SNX30: variants seen among roughly 807,000 people sequenced by gnomAD.
SNX30 encodes the protein sorting nexin-30.
A neutral mutation model predicts 46.4 loss-of-function variants in SNX30; 24 were observed. That is an observed-to-expected ratio of 0.52 (90% CI 0.37 to 0.73). The LOEUF is 0.73. Ranked by LOEUF, SNX30 falls within the 30% of genes least tolerant of loss-of-function variation. The pLI is 0.00. For synonymous variants in SNX30, 189 were observed against 211.5 expected, an observed-to-expected ratio of 0.89 and a Z score of 0.92; for missense variants, 533 against 555.7, an observed-to-expected ratio of 0.96 and a Z score of 0.41.
rs1221200277 is a variant in SNX30 at position 112,869,144 on chromosome 9, C to CA, written c.*301_*302insA. On this transcript the variant is annotated 3_prime_UTR_variant, in exon 9 of 9. Transcript: ENST00000374232. ...AACCAAGGGACAAGACAACCTGCAG[C>CA]TGACGCTCTGACATTTCATGACAGT... 397 of 328,278 alleles carry CA rather than the reference C, an allele frequency of 1.2e-3. 5 individuals are homozygous for CA. The highest frequency in any genetic ancestry group is 7.7e-3 in the African/African-American group (374 of 48,410). 20.3% of individuals were successfully genotyped at this position (328,278 alleles called of 1,614,324 possible).
chr9:112,861,685 C>T (rs555702176), intron 7 of SNX30, among the ~76,000 whole-genome samples: 1 of 152,374 alleles, frequency 6.6e-6, no homozygotes, highest in South Asian at 2.1e-4. Flanking sequence ...GCAGTTCCCT[C>T]TCCGTGCCGC....
downstream of SNX30, among the ~76,000 whole-genome samples, chr9:112,882,999 C>T (rs1486211453): frequency 6.6e-6 from 1 of 152,126 alleles, no homozygotes; most frequent in Non-Finnish European, 1.5e-5. Context: ...CAAATATCTC[C>T]TGAGGAAAGA....
chr9:112,867,870 C>T (rs1031085051), intron 8 of SNX30, among the ~76,000 whole-genome samples: 1 of 152,164 alleles, frequency 6.6e-6, no homozygotes, highest in Non-Finnish European at 1.5e-5. Flanking sequence ...CCTCCTCCAC[C>T]CCTGGGGCTG....
intron 8 of SNX30, among the ~76,000 whole-genome samples, chr9:112,867,205 C>T (rs1175469723): frequency 6.7e-6 from 1 of 149,502 alleles, no homozygotes; most frequent in African/African-American, 2.5e-5. Context: ...CCTGCCTCCT[C>T]AGGATTCCTC....
chr9:112,756,756 C>T (rs1333592427), intron 1 of SNX30, among the ~76,000 whole-genome samples: 3 of 152,186 alleles, frequency 2.0e-5, no homozygotes, highest in Non-Finnish European at 4.4e-5. Context: ...CCACTGCGCT[C>T]GGCTCCTTCA....
chr9:112,825,219 G>A (rs1840563709), intron 3 of SNX30, among the ~76,000 whole-genome samples: 1 of 152,130 alleles, frequency 6.6e-6, no homozygotes, highest in African/African-American at 2.4e-5. Flanking sequence ...ATGTATGAGG[G>A]CCCAATTTCT....
rs75539166 is a variant in SNX30, at chr9:112,852,910, C to T, written c.1101+1965C>T. Among the ~76,000 whole-genome samples, 513 of 152,264 alleles carry T rather than the reference C, an allele frequency of 3.4e-3. 3 individuals are homozygous for T. Among genetic ancestry groups the T allele is most frequent in the African/African-American group, 0.012 (504 of 41,548 alleles). On this transcript the variant is annotated intron_variant, in intron 7 of 8. Transcript: ENST00000374232. ...ATGCCAAGACATACCTGGAAAGGAACCAGCTTTGGAATTTGAAACCCACAC... is the reference window on the plus strand; with the variant it reads ...ATGCCAAGACATACCTGGAAAGGAATCAGCTTTGGAATTTGAAACCCACAC...
In SNX30 at chr9:112,871,661, C is replaced by G. The variant is rs1351384458; in HGVS notation, c.*2818C>G. ...ACAAGGCCCTCCCTAGCAGCCGCCC[C>G]AGGCCTGGAAAGTGGGAGATTTCAT... On this transcript the variant is annotated 3_prime_UTR_variant, in exon 9 of 9. Transcript: ENST00000374232. 1 of 152,130 alleles carries G rather than the reference C, an allele frequency of 6.6e-6. No individual in the cohort carries two copies. The highest frequency in any genetic ancestry group is 1.9e-4 in the East Asian group (1 of 5,184). 9.4% of individuals were successfully genotyped at this position (152,130 alleles called of 1,614,324 possible).
Position 112,847,442 on chromosome 9 carries a change from C to T in SNX30, c.1015-3417C>T, listed in dbSNP as rs558593083. 5.5e-3 allele frequency among the ~76,000 whole-genome samples: 602 copies of T among 109,068 alleles called. 24 individuals carry two copies. The highest frequency in any genetic ancestry group is 1.3e-3 in the Non-Finnish European group (76 of 57,138). The allele number at this position is 109,068 out of a possible 152,430, so 71.6% of individuals were successfully genotyped here. On this transcript the variant is annotated intron_variant, in intron 6 of 8. Transcript: ENST00000374232. ...TTAGTACATATCTCTAAAATACAAG[C>T]ATTCTTTTTTTTTTTTTTTTAAAAA...
chr9:112,767,873 T>G (rs1441268559), intron 1 of SNX30, among the ~76,000 whole-genome samples: 3 of 152,204 alleles, frequency 2.0e-5, no homozygotes, highest in Non-Finnish European at 4.4e-5. Context: ...GTATTGAGAT[T>G]ACAGATGTGA....
rs202191960 is a variant in SNX30, at chr9:112,753,955, C to T, written c.156+2798C>T. On this transcript the variant is annotated intron_variant, in intron 1 of 8. Coordinates refer to ENST00000374232, the MANE Select transcript of SNX30 (RefSeq NM_001012994.2). ...CTTCCCTGTGGCTGGCTTTCTCCTACCTCAGCAGCATGAGGGTCATCAGAG... is the reference window on the plus strand; with the variant it reads ...CTTCCCTGTGGCTGGCTTTCTCCTATCTCAGCAGCATGAGGGTCATCAGAG... 7.9e-5 allele frequency among the ~76,000 whole-genome samples: 12 copies of T among 152,340 alleles called. No homozygotes were observed. In the East Asian group the frequency reaches 2.1e-3, roughly 27 times the overall value.
intron 3 of SNX30, among the ~76,000 whole-genome samples, chr9:112,829,290 G>T (rs1401221062): frequency 6.6e-6 from 1 of 152,064 alleles, no homozygotes; most frequent in Non-Finnish European, 1.5e-5. Context: ...GTTTGTTTGA[G>T]ATGAAGTCTC....
At chr9:112,808,999 A>G (rs776858849) in intron 2 of SNX30, among the ~76,000 whole-genome samples, 1 of 152,234 alleles carries the variant, frequency 6.6e-6, no homozygotes, top group Non-Finnish European at 1.5e-5. Flanking sequence ...CATGCAACTC[A>G]TGGGTGGTGG....
At chr9:112,840,293 C>T (rs1351291811) in intron 6 of SNX30, among the ~76,000 whole-genome samples, 1 of 152,216 alleles carries the variant, frequency 6.6e-6, no homozygotes, top group Admixed American at 6.5e-5. Context: ...GGAACTGAGG[C>T]TGTAAGCCAA....
intron 2 of SNX30, among the ~76,000 whole-genome samples, chr9:112,817,401 C>CTTTTGTTTTTTTTTTTTTTTTTT (rs1840414576): frequency 2.1e-5 from 1 of 46,832 alleles, no homozygotes; most frequent in Non-Finnish European, 3.4e-5. Context: ...AAAAAACTGG[C>CTTTTGTTTTTTTTTTTTTTTTTT]TTTTTTTTTT....
intron 1 of SNX30, among the ~76,000 whole-genome samples, chr9:112,764,870 C>T (rs187116999): frequency 3.9e-5 from 6 of 152,282 alleles, no homozygotes; most frequent in East Asian, 1.9e-4. Flanking sequence ...TACTGAGGGT[C>T]GGCTTTATTC....
intron 1 of SNX30, among the ~76,000 whole-genome samples, chr9:112,791,431 G>T (rs4979151): frequency 0.21 from 910 of 4,270 alleles, 12 homozygotes; most frequent in South Asian, 0.39. Flanking sequence ...TTTTTTTTGA[G>T]ACGGAGCCTT....
intron 7 of SNX30, among the ~76,000 whole-genome samples, chr9:112,860,297 T>G (rs1265216954): frequency 6.6e-6 from 1 of 152,242 alleles, no homozygotes; most frequent in South Asian, 2.1e-4. Flanking sequence ...CATTTTTAAA[T>G]TTGGTTGTGT....
chr9:112,756,641 A>G (rs1193681500), intron 1 of SNX30, among the ~76,000 whole-genome samples: 1 of 151,814 alleles, frequency 6.6e-6, no homozygotes, highest in Non-Finnish European at 1.5e-5. Flanking sequence ...TTGTATTTTT[A>G]GTAGAGACGG....
Sources: allele counts gnomAD v4.1 joint callset (sites outside exome capture counted in the v4.1 genomes callset), GRCh38; gene constraint gnomAD v4.1.1; transcripts MANE v1.5; gene names NCBI Gene and HGNC (gene_info 2026-07-23, HGNC 2026-07-21).